The following PDE7B variants were observed in gnomAD, a reference collection of about 807,000 sequenced individuals.
The protein encoded by PDE7B is phosphodiesterase 7B.
PDE7B carries 29 observed loss-of-function variants against 56.2 expected under a neutral mutation model. The observed-to-expected ratio is 0.52, with a 90% CI of 0.38 to 0.70. The LOEUF (loss-of-function observed/expected upper bound fraction) is 0.70. Among genes scored for constraint, PDE7B ranks in the 30% least tolerant of loss-of-function variants. The pLI, the probability that PDE7B is intolerant of heterozygous loss-of-function variation, is 0.00. For missense variants in PDE7B, 490 were observed against 565.0 expected (o/e 0.87, Z 1.35); for synonymous variants, 197 against 196.9 (o/e 1.00, Z 0.00).
intron 1 of PDE7B, among the ~76,000 whole-genome samples, chr6:135,885,334 T>G (rs9376163): frequency 1.4e-5 from 2 of 147,696 alleles, no homozygotes; most frequent in Admixed American, 6.9e-5. Context: ...TGTTGTTTTT[T>G]TTTTTTTTTA....
intron 1 of PDE7B, among the ~76,000 whole-genome samples, chr6:135,936,007 G>A (rs1277708167): frequency 2.0e-5 from 3 of 152,194 alleles, no homozygotes; most frequent in African/African-American, 4.8e-5. Flanking sequence ...ATGCAAAAGT[G>A]TTTGTTCGTT....
chr6:136,028,168 ACG>A (rs1449539140), intron 2 of PDE7B, among the ~76,000 whole-genome samples: 43 of 152,310 alleles, frequency 2.8e-4, no homozygotes, highest in African/African-American at 9.6e-4. Context: ...CAGCACTGAG[ACG>A]TTAAGTTAAG....
At chr6:136,109,338 G>A (rs1777707146) in intron 3 of PDE7B, among the ~76,000 whole-genome samples, 1 of 152,142 alleles carries the variant, frequency 6.6e-6, no homozygotes, top group African/African-American at 2.4e-5. Context: ...AAAATTTTTT[G>A]TATAAAAAGT....
intron 3 of PDE7B, among the ~76,000 whole-genome samples, chr6:136,123,512 T>C (rs961103330): frequency 2.6e-5 from 4 of 152,160 alleles, no homozygotes; most frequent in Non-Finnish European, 5.9e-5. Context: ...CAGAAGGAAA[T>C]GTCTTCAAAG....
rs116154993 is a variant in PDE7B at position 136,158,659 on chromosome 6, A to G, written c.711+2901A>G. Among the ~76,000 whole-genome samples, 3 of 152,312 alleles carry G rather than the reference A, an allele frequency of 2.0e-5. No homozygotes were observed. The East Asian group carries it at 5.8e-4, about 29-fold the overall frequency. ...AGGCCAGGTCAGAGGGCTCCCTCCC[A>G]TGGTCTGTTCTCTGGGCCGGACTCA... On this transcript the variant is annotated intron_variant, in intron 8 of 12. Coordinates refer to ENST00000308191, the MANE Select transcript of PDE7B (RefSeq NM_018945.4).
intron 1 of PDE7B, among the ~76,000 whole-genome samples, chr6:135,859,802 C>CT (rs1391298418): frequency 3.3e-5 from 5 of 151,762 alleles, no homozygotes. Context: ...ATATTGTCTC[C>CT]TTTAATGTAA....
chr6:136,032,319 C>CTAT (rs1182623287), intron 2 of PDE7B, among the ~76,000 whole-genome samples: 1 of 152,122 alleles, frequency 6.6e-6, no homozygotes, highest in Non-Finnish European at 1.5e-5. Context: ...ACAAAATTCC[C>CTAT]TATTAAGAGA....
chr6:135,937,000 G>C (rs1774432343), intron 1 of PDE7B, among the ~76,000 whole-genome samples: 1 of 152,238 alleles, frequency 6.6e-6, no homozygotes, highest in African/African-American at 2.4e-5. Flanking sequence ...AAGGGAGTCA[G>C]AGTGAGGAGG....
At chr6:136,092,594 C>T (rs1262585959) in intron 2 of PDE7B, among the ~76,000 whole-genome samples, 1 of 152,136 alleles carries the variant, frequency 6.6e-6, no homozygotes, top group African/African-American at 2.4e-5. Flanking sequence ...AACCACAACT[C>T]TACCAAAAAC....
At chr6:135,979,734 C>A (rs1484680976) in intron 2 of PDE7B, among the ~76,000 whole-genome samples, 4 of 152,086 alleles carry the variant, frequency 2.6e-5, no homozygotes, top group Admixed American at 2.6e-4. Context: ...ATCCAACTTA[C>A]AAGGGATGTG....
rs781634983 is a variant in PDE7B at position 136,192,674 on chromosome 6, G to A, written c.*834G>A. 1 of 152,586 alleles carries A rather than the reference G, an allele frequency of 6.6e-6. No homozygotes were observed. The highest frequency in any genetic ancestry group is 1.5e-5 in the Non-Finnish European group (1 of 68,024). The allele number at this position is 152,586 out of a possible 1,614,324, so 9.5% of individuals were successfully genotyped here. ...TACTGATTCCCATGCCAAAATACATGAGTATTATGGGATTGCTACCTGTAT... is the reference window on the plus strand; with the variant it reads ...TACTGATTCCCATGCCAAAATACATAAGTATTATGGGATTGCTACCTGTAT... On this transcript the variant is annotated 3_prime_UTR_variant, in exon 13 of 13. Coordinates refer to ENST00000308191, the MANE Select transcript of PDE7B (RefSeq NM_018945.4).
chr6:135,926,992 G>T (rs965435699), intron 1 of PDE7B, among the ~76,000 whole-genome samples: 6 of 152,106 alleles, frequency 3.9e-5, no homozygotes, highest in African/African-American at 1.4e-4. Context: ...TTAGGTTATA[G>T]CACCATAATT....
intron 2 of PDE7B, among the ~76,000 whole-genome samples, chr6:136,079,985 C>G (rs971003950): frequency 1.2e-4 from 19 of 152,066 alleles, no homozygotes; most frequent in African/African-American, 4.1e-4. Flanking sequence ...AATTAAAGAG[C>G]AACAAGGTCT....
chr6:136,046,933 G>A (rs1346736968), intron 2 of PDE7B, among the ~76,000 whole-genome samples: 1 of 152,056 alleles, frequency 6.6e-6, no homozygotes, highest in Non-Finnish European at 1.5e-5. Flanking sequence ...TCTCATTCTT[G>A]CTATAATATT....
intron 3 of PDE7B, among the ~76,000 whole-genome samples, chr6:136,137,800 T>A (rs1489644737): frequency 6.6e-6 from 1 of 152,120 alleles, no homozygotes; most frequent in Non-Finnish European, 1.5e-5. Flanking sequence ...ACTTGTAAAA[T>A]TTAACAATTA....
intron 1 of PDE7B, among the ~76,000 whole-genome samples, chr6:135,908,895 G>A (rs904010018): frequency 2.6e-5 from 4 of 152,134 alleles, no homozygotes; most frequent in Admixed American, 6.5e-5. Flanking sequence ...TAGTATGAAC[G>A]AAATCACAGA....
At chr6:136,074,608 T>C (rs142786024) in intron 2 of PDE7B, among the ~76,000 whole-genome samples, 1 of 152,326 alleles carries the variant, frequency 6.6e-6, no homozygotes, top group East Asian at 1.9e-4. Context: ...GTAACCATCA[T>C]TCTACTCCCT....
intron 1 of PDE7B, among the ~76,000 whole-genome samples, chr6:135,863,742 C>T (rs889788875): frequency 2.1e-5 from 3 of 145,486 alleles, no homozygotes; most frequent in Admixed American, 7.0e-5. Flanking sequence ...ATACTAAAAT[C>T]TATAAAGCTA....
At chr6:136,110,452 G>A (rs753803289) in intron 3 of PDE7B, among the ~76,000 whole-genome samples, 20 of 152,112 alleles carry the variant, frequency 1.3e-4, no homozygotes, top group Admixed American at 3.3e-4. Context: ...ACGCTCCAAC[G>A]GCATCCCATT....
Sources: allele counts gnomAD v4.1 joint callset (sites outside exome capture counted in the v4.1 genomes callset), GRCh38; gene constraint gnomAD v4.1.1; transcripts MANE v1.5; gene names NCBI Gene and HGNC (gene_info 2026-07-23, HGNC 2026-07-21).